MCOLN3: variants seen among roughly 807,000 people sequenced by gnomAD.
MCOLN3 encodes the protein mucolipin TRP cation channel 3, also known as mucolipin-3.
Under a neutral mutation model 69.4 loss-of-function variants are expected in MCOLN3, and 62 were observed. The observed-to-expected ratio is 0.89, with a 90% confidence interval of 0.73 to 1.10. The LOEUF (loss-of-function observed/expected upper bound fraction) is 1.10, where lower values mean the gene tolerates loss of function less well. MCOLN3 is among the 50% of genes least tolerant of loss of function. The pLI is 0.00. For missense variants in MCOLN3, 564 were observed against 656.4 expected (o/e 0.86, Z 1.54); for synonymous variants, 183 against 217.0 (o/e 0.84, Z 1.38).
chr1:85,026,688 T>G (rs1324118170), intron 7 of MCOLN3, among the ~76,000 whole-genome samples: 1 of 150,204 alleles, frequency 6.7e-6, no homozygotes, highest in Non-Finnish European at 1.5e-5. Context: ...ACCTGGAAGG[T>G]GGAGTTTGCA....
chr1:85,022,151 G>A lies in MCOLN3; in HGVS notation c.1239C>T (p.Ile413=), dbSNP rs748107187. The A allele has an allele frequency of 1.2e-6, 2 of 1,614,056 alleles. No homozygotes were observed. The highest frequency in any genetic ancestry group is 1.7e-5 in the Admixed American group (1 of 59,998). ...LTLQAALPNV[I]RFCCCAAMIY... ...TCATAGCTGCACAGCAGCAGAACCT[G>A]ATGACATTGGGCAGCGCTGCCTGAA... is the stretch of plus-strand genomic sequence containing the variant. The change falls in exon 11 of 13, where the codon ATC becomes ATT. Residue 413 remains isoleucine, a synonymous_variant. Coordinates refer to ENST00000370589, the MANE Select transcript of MCOLN3 (RefSeq NM_018298.11).
chr1:85,027,506 A>C (rs971959434), intron 7 of MCOLN3, among the ~76,000 whole-genome samples: 4 of 151,970 alleles, frequency 2.6e-5, no homozygotes, highest in East Asian at 1.9e-4. Flanking sequence ...AGTGTCCATC[A>C]CTCTATGTCA....
chr1:85,032,065 G>T (rs984290817), intron 6 of MCOLN3, among the ~76,000 whole-genome samples: 7 of 146,694 alleles, frequency 4.8e-5, no homozygotes, highest in African/African-American at 1.8e-4. Context: ...GACAGAGCGA[G>T]ACTCTGTCTC....
At position 85,022,327 on chromosome 1, in the gene MCOLN3, C is replaced by T. The variant is rs764715436; in HGVS notation, c.1169G>A (p.Arg390Gln). ...GTACTTTGCAAAGAAACCGAGGTAT[C>T]GGATGACTCCAAGCCACACGAGCAT... ...STMLVWLGVI[R>Q]YLGFFAKYNL... Residue 390 changes from arginine (R) to glutamine (Q), a missense_variant, in exon 10 of 13, where the codon CGA (arginine) becomes CAA (glutamine). Transcript: ENST00000370589. 1.1e-5 allele frequency: 17 copies of T among 1,613,720 alleles called. No individual in the cohort carries two copies. In the Admixed American group the frequency reaches 1.5e-4, roughly 14 times the overall value.
intron 2 of MCOLN3, among the ~76,000 whole-genome samples, chr1:85,042,087 T>C (rs1653099730): frequency 6.6e-6 from 1 of 152,088 alleles, no homozygotes; most frequent in Admixed American, 6.5e-5. Flanking sequence ...ATATTTTATA[T>C]GGAAGGCGGG....
intron 9 of MCOLN3, chr1:85,022,655 T>G (rs1652004459): frequency 3.2e-6 from 1 of 315,888 alleles, no homozygotes; most frequent in Admixed American, 4.8e-5. Context: ...GGATAAGGAA[T>G]GGGTATGGGT....
At chr1:85,022,255 T>G in intron 10 of MCOLN3, 44 bp downstream of exon 10, 1 of 1,613,764 alleles carries the variant, frequency 6.2e-7, no homozygotes, top group Non-Finnish European at 8.5e-7. Context: ...TGCAATAACT[T>G]TGAGAGAAAT....
chr1:85,033,551 T>G (rs1652644926), intron 4 of MCOLN3, among the ~76,000 whole-genome samples: 2 of 152,232 alleles, frequency 1.3e-5, no homozygotes. Flanking sequence ...TAGGCATAAT[T>G]GCAAATAGAA....
At chr1:85,048,169 G>A (rs1653483240) in intron 1 of MCOLN3, among the ~76,000 whole-genome samples, 1 of 151,942 alleles carries the variant, frequency 6.6e-6, no homozygotes, top group South Asian at 2.1e-4. Flanking sequence ...AGGCCCGGCA[G>A]GCGCGCTCCT....
rs1411858038 is a variant in MCOLN3, at chr1:85,041,064, A to G, written c.342T>C (p.Tyr114=). The G allele has an allele frequency of 6.2e-7, 1 of 1,614,098 alleles. No individual in the cohort carries two copies. The highest frequency in any genetic ancestry group is 1.3e-5 in the African/African-American group (1 of 75,046). The change falls in exon 3 of 13, where the codon TAT becomes TAC. Residue 114 remains tyrosine (Y), a synonymous_variant. Transcript: ENST00000370589. ...KGYMDRMDDT[Y]AVYTQSDVYD... ...ACACGTCACTTTGTGTGTACACTGC[A>G]TATGTGTCATCCATTCGGTCCATAT...
chr1:85,036,499 A>G (rs1013345341), intron 3 of MCOLN3, among the ~76,000 whole-genome samples: 1 of 152,156 alleles, frequency 6.6e-6, no homozygotes, highest in Admixed American at 6.5e-5. Context: ...AATAGATACT[A>G]TTTAATAAAT....
intron 12 of MCOLN3, among the ~76,000 whole-genome samples, chr1:85,020,401 C>T (rs1330839202): frequency 6.6e-6 from 1 of 152,198 alleles, no homozygotes; most frequent in African/African-American, 2.4e-5. Flanking sequence ...GTCTATGCCA[C>T]AAATACACCT....
At chr1:85,043,190 C>T (rs1653157157) in intron 2 of MCOLN3, among the ~76,000 whole-genome samples, 1 of 152,086 alleles carries the variant, frequency 6.6e-6, no homozygotes. Context: ...CATTGTTCTC[C>T]TCTGTGAAAT....
intron 7 of MCOLN3, 32 bp downstream of exon 7, chr1:85,029,074 C>A: frequency 7.6e-7 from 1 of 1,317,582 alleles, no homozygotes; most frequent in South Asian, 1.2e-5. Flanking sequence ...ATTTAATAAC[C>A]ATTCTGAAAA....
At chr1:85,025,546 C>T (rs918865647) in intron 9 of MCOLN3, 55 of 176,426 alleles carry the variant, frequency 3.1e-4, no homozygotes, top group Non-Finnish European at 5.6e-4. Context: ...CCCCTATAGC[C>T]CCACTCATTT....
chr1:85,041,144 C>T lies in MCOLN3; in HGVS notation c.262G>A (p.Val88Ile). Residue 88 changes from valine (V) to isoleucine (I), a missense_variant, in exon 3 of 13, where the codon GTA (valine) becomes ATA (isoleucine). Val to Ile is a conservative substitution (Grantham distance 29). Coordinates refer to ENST00000370589, the MANE Select transcript of MCOLN3 (RefSeq NM_018298.11). ...ATAGTATTCTCTTCCTTGAAAGCTACCACCATCTGGTTACTTAGCCCAAAT... is the reference window on the plus strand; with the variant it reads ...ATAGTATTCTCTTCCTTGAAAGCTATCACCATCTGGTTACTTAGCCCAAAT... ...VLFGLSNQMVVAFKEENTIAF... is the reference protein window; with the variant it reads ...VLFGLSNQMVIAFKEENTIAF... 1 of 1,613,754 alleles carries T rather than the reference C, an allele frequency of 6.2e-7. No homozygotes were observed. Among genetic ancestry groups the T allele is most frequent in the Non-Finnish European group, 8.5e-7 (1 of 1,179,916 alleles).
In MCOLN3 at chr1:85,034,226, A is replaced by G. The variant is rs781090511; in HGVS notation, c.422T>C (p.Val141Ala). ...NQYLQLYNVS[V>A]GNHAYENKGT... ...TTTGTTCTCATAAGCATGATTCCCA[A>G]CGGAGACATTGTATAGCTGCAAGTA... Residue 141 changes from valine (V) to alanine (A), a missense_variant, in exon 4 of 13, where the codon GTT (valine) becomes GCT (alanine). Val to Ala is a moderately conservative substitution (Grantham distance 64). Transcript: ENST00000370589. 6 of 1,614,158 alleles carry G rather than the reference A, an allele frequency of 3.7e-6. No homozygotes were observed. The highest frequency in any genetic ancestry group is 4.5e-5 in the East Asian group (2 of 44,882).
chr1:85,036,886 A>G (rs1456675109), intron 3 of MCOLN3: 1 of 152,214 alleles, frequency 6.6e-6, no homozygotes, highest in African/African-American at 2.4e-5. Context: ...AAAAGATTTT[A>G]GTTAAACTTG....
intron 7 of MCOLN3, 101 bp from the exon 8 acceptor site, chr1:85,026,385 T>C (rs1245711831): frequency 1.9e-4 from 153 of 822,790 alleles, no homozygotes; most frequent in Non-Finnish European, 2.2e-5. Flanking sequence ...TTCTTTCTGG[T>C]AAGACAACAA....
Sources: gnomAD v4.1 joint callset for allele counts (sites outside exome capture counted in the v4.1 genomes callset) on GRCh38, gnomAD v4.1.1 for gene constraint, MANE v1.5 for transcripts, NCBI Gene and HGNC (gene_info 2026-07-23, HGNC 2026-07-21) for gene names.